Variants in SVEP1 observed in about 807,000 individuals in gnomAD.
SVEP1 encodes sushi, von Willebrand factor type A, EGF and pentraxin domain containing 1, also known as sushi, von Willebrand factor type A, EGF and pentraxin domain-containing protein 1.
Under a neutral mutation model 367.3 loss-of-function variants are expected in SVEP1, and 164 were observed. The observed-to-expected ratio is 0.45, with a 90% CI of 0.39 to 0.51. The LOEUF (loss-of-function observed/expected upper bound fraction) is 0.51. SVEP1 is among the 20% of genes least tolerant of loss of function. The pLI, the probability that SVEP1 is intolerant of heterozygous loss-of-function variation, is 0.00. For synonymous variants in SVEP1, 1,666 were observed against 1,611.6 expected (o/e 1.03, Z -0.81); for missense variants, 4,117 against 4,425.3 (o/e 0.93, Z 1.98).
At chr9:110,410,946 C>A in intron 37 of SVEP1, 117 bp downstream of exon 37, 1 of 816,680 alleles carries the variant, frequency 1.2e-6, no homozygotes, top group Non-Finnish European at 1.8e-6. Flanking sequence ...TAGTAAATTC[C>A]AGTTTCCATG....
chr9:110,473,839 G>A (rs1829058321), intron 14 of SVEP1, among the ~76,000 whole-genome samples: 1 of 152,178 alleles, frequency 6.6e-6, no homozygotes, highest in Non-Finnish European at 1.5e-5. Flanking sequence ...CTGGGTCTAA[G>A]TGCATGGGCA....
In SVEP1 at chr9:110,433,784, T is replaced by C. The variant is rs567302103; in HGVS notation, c.5059+552A>G. Reference sequence around the variant, plus strand: ...CCACACCTGGCCACACTTTGTATTTTCCTAGCCTCTTTTATTTTTCTTTAC... The same window carrying C: ...CCACACCTGGCCACACTTTGTATTTCCCTAGCCTCTTTTATTTTTCTTTAC... On this transcript the variant is annotated intron_variant, in intron 30 of 47. Coordinates refer to ENST00000374469, the MANE Select transcript of SVEP1 (RefSeq NM_153366.4). Among the ~76,000 whole-genome samples, 4 of 152,196 alleles carry C rather than the reference T, an allele frequency of 2.6e-5. No individual in the cohort carries two copies. The South Asian group carries it at 6.2e-4, about 24-fold the overall frequency.
intron 1 of SVEP1, among the ~76,000 whole-genome samples, chr9:110,571,878 T>A (rs1338415977): frequency 6.6e-6 from 1 of 152,204 alleles, no homozygotes; most frequent in Non-Finnish European, 1.5e-5. Flanking sequence ...AAAGCCAGAT[T>A]TTTGAAAACA....
chr9:110,396,135 T>C (rs1827754679), intron 40 of SVEP1, among the ~76,000 whole-genome samples: 1 of 152,050 alleles, frequency 6.6e-6, no homozygotes, highest in South Asian at 2.1e-4. Context: ...GAACAGAAAT[T>C]ATAACAAACT....
intron 38 of SVEP1, 71 bp downstream of exon 38, chr9:110,406,089 T>C: frequency 2.0e-6 from 3 of 1,492,004 alleles, no homozygotes; most frequent in East Asian, 4.6e-5. Flanking sequence ...ATCAGCAAAA[T>C]TTTTGATCGA....
chr9:110,567,868 G>A (rs554979892), intron 1 of SVEP1, among the ~76,000 whole-genome samples: 1 of 152,244 alleles, frequency 6.6e-6, no homozygotes, highest in East Asian at 1.9e-4. Flanking sequence ...TTGGGTTCCT[G>A]GAGATGACTC....
intron 27 of SVEP1, among the ~76,000 whole-genome samples, chr9:110,438,351 C>T (rs1442942272): frequency 3.3e-5 from 5 of 151,710 alleles, no homozygotes; most frequent in South Asian, 2.1e-4. Flanking sequence ...CCACCATATC[C>T]GGCTAATTTT....
chr9:110,374,632 A>T (rs1341699993), intron 46 of SVEP1, among the ~76,000 whole-genome samples: 2 of 150,900 alleles, frequency 1.3e-5, no homozygotes, highest in Non-Finnish European at 2.9e-5. Context: ...CCTGGGTGAC[A>T]AGAGTGAAAC....
At chr9:110,574,228 C>T (rs77513376) in intron 1 of SVEP1, among the ~76,000 whole-genome samples, 28,940 of 152,238 alleles carry the variant, frequency 0.19, 2,852 homozygotes, top group East Asian at 0.28. Flanking sequence ...GGTAACTGTG[C>T]GCTTGCACAG....
chr9:110,389,448 T>C (rs555791554), intron 41 of SVEP1, 76 bp downstream of exon 41: 71 of 1,552,598 alleles, frequency 4.6e-5, no homozygotes, highest in Admixed American at 1.3e-4. Flanking sequence ...AACTAACCTA[T>C]AAAGAAAATG....
In SVEP1 at chr9:110,429,348, A is replaced by C; in HGVS notation, c.5616-14T>G. 6.7e-7 allele frequency: 1 copy of C among 1,495,556 alleles called. No individual in the cohort carries two copies. Among genetic ancestry groups the C allele is most frequent in the Non-Finnish European group, 8.9e-7 (1 of 1,124,076 alleles). 92.6% of individuals were successfully genotyped at this position (1,495,556 alleles called of 1,614,324 possible). A position where few individuals can be genotyped will look rare whatever the true frequency, so the allele number is the denominator to read the frequency against. ...CCTTTATTACACCTAAAGAAGATAG[A>C]GGAAAATTACAGGATATAATTTGCT... On this transcript the variant is annotated splice_polypyrimidine_tract_variant and intron_variant, in intron 34 of 47. Transcript: ENST00000374469.
chr9:110,448,394 T>C (rs1003549189), intron 24 of SVEP1, among the ~76,000 whole-genome samples: 1 of 152,238 alleles, frequency 6.6e-6, no homozygotes, highest in Non-Finnish European at 1.5e-5. Context: ...TTATTGTTAC[T>C]AGCATGTCAT....
At chr9:110,367,947 G>A (rs1012909423) in intron 47 of SVEP1, among the ~76,000 whole-genome samples, 27 of 152,214 alleles carry the variant, frequency 1.8e-4, no homozygotes, top group African/African-American at 6.0e-4. Context: ...TGGGTGTGGT[G>A]GCATATGCCT....
At chr9:110,481,171 C>T in intron 12 of SVEP1, 71 bp downstream of exon 12, 2 of 1,194,502 alleles carry the variant, frequency 1.7e-6, no homozygotes, top group Non-Finnish European at 1.1e-6. Flanking sequence ...AGGCAATTTT[C>T]CTCTTTAACA....
At chr9:110,435,395 T>C (rs199649802) in intron 28 of SVEP1, 31 bp from the exon 29 acceptor site, 34 of 1,607,544 alleles carry the variant, frequency 2.1e-5, no homozygotes, top group Non-Finnish European at 2.9e-5. Flanking sequence ...TAGATAAGCC[T>C]TACTTGTTCC....
intron 5 of SVEP1, among the ~76,000 whole-genome samples, chr9:110,505,892 A>G (rs1366536157): frequency 6.6e-6 from 1 of 151,636 alleles, no homozygotes; most frequent in Non-Finnish European, 1.5e-5. Flanking sequence ...ATAGGTATAC[A>G]CATGTTATGG....
At chr9:110,520,828 T>G (rs2118791688) in intron 3 of SVEP1, among the ~76,000 whole-genome samples, 1 of 152,306 alleles carries the variant, frequency 6.6e-6, no homozygotes, top group African/African-American at 2.4e-5. Flanking sequence ...TCTTTAAAAG[T>G]TAACAAATCA....
intron 1 of SVEP1, among the ~76,000 whole-genome samples, chr9:110,555,514 T>C (rs1204819036): frequency 3.3e-5 from 5 of 152,192 alleles, no homozygotes; most frequent in African/African-American, 1.2e-4. Flanking sequence ...TTAATATTAA[T>C]GTAGCTCCTG....
At chr9:110,432,673 G>C in intron 30 of SVEP1, 38 bp from the exon 31 acceptor site, 1 of 1,566,836 alleles carries the variant, frequency 6.4e-7, no homozygotes, top group Non-Finnish European at 8.6e-7. Flanking sequence ...GACATTAAGA[G>C]CAAAATACTC....
Sources: allele counts gnomAD v4.1 joint callset (sites outside exome capture counted in the v4.1 genomes callset), GRCh38; gene constraint gnomAD v4.1.1; transcripts MANE v1.5; gene names NCBI Gene and HGNC (gene_info 2026-07-23, HGNC 2026-07-21).